Variants in RIMS1 observed in about 807,000 individuals in gnomAD.
The protein encoded by RIMS1 is regulating synaptic membrane exocytosis protein 1.
In RIMS1, 83 loss-of-function variants were observed where a neutral mutation model predicts 214.1. That is an observed-to-expected ratio of 0.39 (90% confidence interval 0.32 to 0.47). The LOEUF (loss-of-function observed/expected upper bound fraction) is 0.47. RIMS1 is among the 20% of genes least tolerant of loss of function. The pLI is 0.99. For synonymous variants in RIMS1, 793 were observed against 786.8 expected (o/e 1.01, Z -0.13); for missense variants, 2,050 against 2,161.8 (o/e 0.95, Z 1.03).
At chr6:71,997,951 T>C (rs1416372048) in intron 2 of RIMS1, among the ~76,000 whole-genome samples, 1 of 152,056 alleles carries the variant, frequency 6.6e-6, no homozygotes, top group African/African-American at 2.4e-5. Context: ...TAAAAATGTA[T>C]AAAAATTGAA....
intron 2 of RIMS1, among the ~76,000 whole-genome samples, chr6:72,008,213 C>T (rs1355947920): frequency 2.6e-5 from 4 of 152,054 alleles, no homozygotes; most frequent in African/African-American, 9.7e-5. Context: ...ATTTCATATC[C>T]AGCCAAACTA....
chr6:71,963,096 G>A (rs776310896), intron 1 of RIMS1, among the ~76,000 whole-genome samples: 3 of 152,220 alleles, frequency 2.0e-5, no homozygotes, highest in East Asian at 1.9e-4. Flanking sequence ...CCTATATCAG[G>A]AAATCAATGA....
chr6:71,981,969 A>G (rs1377176421), intron 2 of RIMS1, among the ~76,000 whole-genome samples: 1 of 151,064 alleles, frequency 6.6e-6, no homozygotes, highest in African/African-American at 2.4e-5. Context: ...CTATGATTTG[A>G]TTTGATTTGA....
Position 72,402,236 on chromosome 6 carries a change from G to T in RIMS1, c.*1522G>T, listed in dbSNP as rs1405155521. On this transcript the variant is annotated 3_prime_UTR_variant, in exon 34 of 34. Transcript: ENST00000521978. ...TAGTTCCACATAGGCCAGCTTGTAT[G>T]TTGCATGTACTTGTACAGTTTGCTT... 1.3e-5 allele frequency: 2 copies of T among 152,638 alleles called. No homozygotes were observed. Among genetic ancestry groups the T allele is most frequent in the African/African-American group, 4.8e-5 (2 of 41,460 alleles). 9.5% of individuals were successfully genotyped at this position (152,638 alleles called of 1,614,324 possible). A position where few individuals can be genotyped will look rare whatever the true frequency, so the allele number is the denominator to read the frequency against.
intron 29 of RIMS1, among the ~76,000 whole-genome samples, chr6:72,383,818 C>T (rs1158432646): frequency 3.3e-5 from 5 of 151,528 alleles, no homozygotes; most frequent in African/African-American, 4.9e-5. Flanking sequence ...CCTAGCAAGA[C>T]CCTGTCTCTT....
At chr6:72,021,819 T>C (rs1331478521) in intron 2 of RIMS1, among the ~76,000 whole-genome samples, 1 of 152,150 alleles carries the variant, frequency 6.6e-6, no homozygotes, top group Non-Finnish European at 1.5e-5. Flanking sequence ...TACAGATAGG[T>C]CTGCATGGAG....
At chr6:72,234,793 A>G (rs1416666397) in intron 7 of RIMS1, among the ~76,000 whole-genome samples, 1 of 151,942 alleles carries the variant, frequency 6.6e-6, no homozygotes, top group African/African-American at 2.4e-5. Context: ...TTCCTTTTCC[A>G]GAATGTCACA....
At chr6:71,936,419 G>A (rs1340986803) in intron 1 of RIMS1, among the ~76,000 whole-genome samples, 1 of 151,594 alleles carries the variant, frequency 6.6e-6, no homozygotes, top group African/African-American at 2.4e-5. Context: ...GAGTAAAAGG[G>A]TTCTGCACCT....
At chr6:71,997,463 T>A (rs924200108) in intron 2 of RIMS1, among the ~76,000 whole-genome samples, 2 of 152,210 alleles carry the variant, frequency 1.3e-5, no homozygotes, top group African/African-American at 2.4e-5. Flanking sequence ...GCTCATGTGC[T>A]TTAAATTGCT....
At chr6:72,351,206 A>T (rs76539489) in intron 29 of RIMS1, among the ~76,000 whole-genome samples, 1 of 151,984 alleles carries the variant, frequency 6.6e-6, no homozygotes, top group Non-Finnish European at 1.5e-5. Context: ...AAAAAAAAAA[A>T]TGCCATTAGC....
intron 4 of RIMS1, among the ~76,000 whole-genome samples, chr6:72,170,044 A>G (rs555631550): frequency 9.2e-5 from 14 of 152,302 alleles, no homozygotes; most frequent in Admixed American, 5.9e-4. Flanking sequence ...TTTACTGAAC[A>G]TATCTTATAC....
intron 6 of RIMS1, among the ~76,000 whole-genome samples, chr6:72,226,159 T>C (rs554643660): frequency 6.6e-6 from 1 of 152,064 alleles, no homozygotes; most frequent in Non-Finnish European, 1.5e-5. Flanking sequence ...GTTTGTGTGT[T>C]TGTTGTTCAA....
At chr6:72,141,497 A>C (rs2042076763) in intron 4 of RIMS1, among the ~76,000 whole-genome samples, 1 of 152,032 alleles carries the variant, frequency 6.6e-6, no homozygotes, top group African/African-American at 2.4e-5. Flanking sequence ...CAAAGTTCTC[A>C]TTAATAAGTT....
At chr6:71,945,428 T>C (rs1478504152) in intron 1 of RIMS1, among the ~76,000 whole-genome samples, 2 of 152,114 alleles carry the variant, frequency 1.3e-5, no homozygotes, top group Non-Finnish European at 2.9e-5. Flanking sequence ...GTCCCTTTCA[T>C]TGGCAAGACC....
At position 71,887,002 on chromosome 6, in the gene RIMS1, A is replaced by G. The variant is rs747761909; in HGVS notation, c.-22A>G. The G allele has an allele frequency of 3.7e-6, 6 of 1,609,310 alleles. No individual in the cohort carries two copies. Among genetic ancestry groups the G allele is most frequent in the Non-Finnish European group, 5.1e-6 (6 of 1,177,732 alleles). On this transcript the variant is annotated 5_prime_UTR_variant, in exon 1 of 34. Transcript: ENST00000521978. ...AAGGTGAGAGCCAGAGAGCGAGCAG[A>G]GGGGGCGGGCAGGCCACGAAAATGT...
At chr6:72,279,798 A>G (rs919429492) in intron 23 of RIMS1, among the ~76,000 whole-genome samples, 1 of 151,926 alleles carries the variant, frequency 6.6e-6, no homozygotes, top group Non-Finnish European at 1.5e-5. Flanking sequence ...CTTGGATGAG[A>G]CACTTAAACT....
intron 2 of RIMS1, among the ~76,000 whole-genome samples, chr6:72,032,959 A>T (rs1486669191): frequency 2.0e-5 from 3 of 152,206 alleles, no homozygotes; most frequent in African/African-American, 7.2e-5. Flanking sequence ...AGAAGAAATA[A>T]CTAGCCAGGC....
At chr6:72,233,878 T>C in intron 7 of RIMS1, 38 bp downstream of exon 7, 1 of 1,338,652 alleles carries the variant, frequency 7.5e-7, no homozygotes, top group Non-Finnish European at 1.1e-6. Flanking sequence ...GTTTAGGGAA[T>C]ATGTGTGCTC....
intron 29 of RIMS1, among the ~76,000 whole-genome samples, chr6:72,376,759 A>AG: frequency 6.6e-6 from 1 of 152,182 alleles, no homozygotes; most frequent in East Asian, 1.9e-4. Context: ...AAAAAAAAAA[A>AG]AAGAGAATCA....
Sources: gnomAD v4.1 joint callset for allele counts (sites outside exome capture counted in the v4.1 genomes callset) on GRCh38, gnomAD v4.1.1 for gene constraint, MANE v1.5 for transcripts, NCBI Gene and HGNC (gene_info 2026-07-23, HGNC 2026-07-21) for gene names.